SCUBE1: variants seen among roughly 807,000 people sequenced by gnomAD.
The protein encoded by SCUBE1 is signal peptide, CUB and EGF-like domain-containing protein 1.
A neutral mutation model predicts 124.4 loss-of-function variants in SCUBE1; 59 were observed. That is an observed-to-expected ratio of 0.47 (90% CI 0.38 to 0.59). The LOEUF is 0.59. Among genes scored for constraint, SCUBE1 ranks in the 20% least tolerant of loss-of-function variants. SCUBE1 has a pLI of 0.00. For synonymous variants in SCUBE1, 545 were observed against 550.9 expected (o/e 0.99, Z 0.15); for missense variants, 1,150 against 1,371.2 (o/e 0.84, Z 2.55).
chr22:43,255,691 C>G lies in SCUBE1; in HGVS notation c.727+2528G>C, dbSNP rs997916928. ...CGCACGCAAAGCCAACACAACACGCCGGCCAGCTCGGCATCCTCGCCAAGG... is the reference window on the plus strand; with the variant it reads ...CGCACGCAAAGCCAACACAACACGCGGGCCAGCTCGGCATCCTCGCCAAGG... On this transcript the variant is annotated intron_variant, in intron 6 of 21. Coordinates refer to ENST00000360835, the MANE Select transcript of SCUBE1 (RefSeq NM_173050.5). This position sits in a 1 kb window ranked among gnomAD's most constrained non-coding sequence, Gnocchi z 4.7. 4 of 853,416 alleles carry G rather than the reference C, an allele frequency of 4.7e-6. No individual in the cohort carries two copies. The highest frequency in any genetic ancestry group is 7.5e-6 in the Non-Finnish European group (4 of 531,460). 52.9% of individuals were successfully genotyped at this position (853,416 alleles called of 1,614,324 possible). A position where few individuals can be genotyped will look rare whatever the true frequency, so the allele number is the denominator to read the frequency against.
intron 9 of SCUBE1, 69 bp from the exon 10 acceptor site, chr22:43,227,565 C>A: frequency 6.3e-7 from 1 of 1,579,318 alleles, no homozygotes; most frequent in Non-Finnish European, 8.6e-7. Context: ...GAAGGGACCA[C>A]CCAGGGCAAG....
intron 3 of SCUBE1, among the ~76,000 whole-genome samples, chr22:43,293,406 C>T (rs774718970): frequency 6.6e-6 from 1 of 152,226 alleles, no homozygotes; most frequent in South Asian, 2.1e-4. Flanking sequence ...CCCAGCCCTG[C>T]GGTCTGGCTG....
chr22:43,206,054 C>T lies in SCUBE1; in HGVS notation c.2814+1480G>A, dbSNP rs544929052. Among the ~76,000 whole-genome samples, 7 of 147,318 alleles carry T rather than the reference C, an allele frequency of 4.8e-5. No homozygotes were observed. The East Asian group carries it at 1.4e-3, about 30-fold the overall frequency. On this transcript the variant is annotated intron_variant, in intron 21 of 21. Transcript: ENST00000360835. ...CTCACCACACACTCACCCCCACACA[C>T]ACCACACACCCTCACCTCCATCGAC...
chr22:43,281,533 C>CCTCCTCAGCCACCCTCCTGTCACCTCCT (rs568020364), intron 4 of SCUBE1, among the ~76,000 whole-genome samples: 9 of 63,518 alleles, frequency 1.4e-4, no homozygotes, highest in African/African-American at 8.8e-4. Flanking sequence ...CCTGTCACCT[C>CCTCCTCAGCCACCCTCCTGTCACCTCCT]CCTCAGTCAC....
At chr22:43,205,971 C>T (rs1172085064) in intron 21 of SCUBE1, among the ~76,000 whole-genome samples, 1 of 134,372 alleles carries the variant, frequency 7.4e-6, no homozygotes, top group African/African-American at 2.9e-5. Context: ...CTCACCCCAC[C>T]TCTATTCACA....
intron 4 of SCUBE1, among the ~76,000 whole-genome samples, chr22:43,284,442 G>A (rs1032024153): frequency 7.2e-5 from 11 of 152,208 alleles, no homozygotes; most frequent in African/African-American, 2.4e-4. Flanking sequence ...AGGCATCTCC[G>A]TTGAACCTCA....
chr22:43,208,256 C>G, intron 19 of SCUBE1, 32 bp from the exon 20 acceptor site: 3 of 1,609,372 alleles, frequency 1.9e-6, no homozygotes, highest in Non-Finnish European at 2.6e-6. Context: ...TGAGCTGCCA[C>G]AGGTAGGCAG....
At position 43,210,570 on chromosome 22, in the gene SCUBE1, T is replaced by C. The variant is rs7364131; in HGVS notation, c.2384-330A>G. ...GCACTGAGAGGGCCTGGAGCCCTGC[T>C]CTCTCTAGAGGCCCTGTCAGTGCCC... On this transcript the variant is annotated intron_variant, in intron 18 of 21. Transcript: ENST00000360835. This position sits in a 1 kb window ranked among gnomAD's most constrained non-coding sequence, Gnocchi z 4.5. 0.076 allele frequency among the ~76,000 whole-genome samples: 11,640 copies of C among 152,204 alleles called. 816 individuals carry two copies. Among genetic ancestry groups the C allele is most frequent in the African/African-American group, 0.18 (7,393 of 41,532 alleles).
chr22:43,198,338 C>T lies in SCUBE1; in HGVS notation c.*5659G>A. Reference sequence around the variant, plus strand: ...TGGAGAGGCCTTGAGGCCATCGCAGCAGATGCTGGGAGGGCACGCAGGCCA... The same window carrying T: ...TGGAGAGGCCTTGAGGCCATCGCAGTAGATGCTGGGAGGGCACGCAGGCCA... On this transcript the variant is annotated 3_prime_UTR_variant, in exon 22 of 22. Coordinates refer to ENST00000360835, the MANE Select transcript of SCUBE1 (RefSeq NM_173050.5). 2.8e-6 allele frequency: 1 copy of T among 359,464 alleles called. No homozygotes were observed. The highest frequency in any genetic ancestry group is 2.1e-5 in the South Asian group (1 of 48,332). 22.3% of individuals were successfully genotyped at this position (359,464 alleles called of 1,614,324 possible).
rs1923764096 is a variant in SCUBE1, at chr22:43,258,807, G to C, written c.611-472C>G. On this transcript the variant is annotated intron_variant, in intron 5 of 21. Transcript: ENST00000360835. The surrounding 1 kb of genome is among the most constrained non-coding windows in gnomAD (Gnocchi z 5.0). Reference sequence around the variant, plus strand: ...GTTCTGGCAGAGCTTTCCTTCCTCTGCCTGTCTTGGGGTGTGTGGATGTCT... The same window carrying C: ...GTTCTGGCAGAGCTTTCCTTCCTCTCCCTGTCTTGGGGTGTGTGGATGTCT... Among the ~76,000 whole-genome samples, 2 of 152,168 alleles carry C rather than the reference G, an allele frequency of 1.3e-5. No individual in the cohort carries two copies. Among genetic ancestry groups the C allele is most frequent in the Admixed American group, 1.3e-4 (2 of 15,288 alleles).
At chr22:43,208,026 C>T in intron 20 of SCUBE1, 46 bp downstream of exon 20, 1 of 1,606,770 alleles carries the variant, frequency 6.2e-7, no homozygotes, top group Non-Finnish European at 8.5e-7. Context: ...TCTCCAGGGC[C>T]CCGCCTGAGC....
chr22:43,228,264 A>T (rs1922405697), intron 9 of SCUBE1, among the ~76,000 whole-genome samples: 2 of 152,190 alleles, frequency 1.3e-5, no homozygotes. Context: ...ACCAAGTCCC[A>T]GCAGCCTGGC....
At chr22:43,236,016 G>C (rs1242318494) in intron 7 of SCUBE1, among the ~76,000 whole-genome samples, 1 of 152,148 alleles carries the variant, frequency 6.6e-6, no homozygotes. Context: ...TGCAGCCCTG[G>C]GTTGTCCAAG....
At chr22:43,338,363 C>T (rs922552886) in intron 2 of SCUBE1, among the ~76,000 whole-genome samples, 1 of 152,176 alleles carries the variant, frequency 6.6e-6, no homozygotes, top group Non-Finnish European at 1.5e-5. Flanking sequence ...TCTGTCCAAG[C>T]ACTGGAACTT....
rs543246766 is a variant in SCUBE1, at chr22:43,227,964, T to A, written c.1085-468A>T. Reference sequence around the variant, plus strand: ...TCCTCCTCTGACCAAAAGCACCCGCTGAAGCTGGGGGAAGGGGCTGGGCCC... The same window carrying A: ...TCCTCCTCTGACCAAAAGCACCCGCAGAAGCTGGGGGAAGGGGCTGGGCCC... On this transcript the variant is annotated intron_variant, in intron 9 of 21. Transcript: ENST00000360835. 3.9e-4 allele frequency among the ~76,000 whole-genome samples: 59 copies of A among 152,284 alleles called. No individual in the cohort carries two copies. The South Asian group carries it at 0.012, about 32-fold the overall frequency.
intron 3 of SCUBE1, among the ~76,000 whole-genome samples, chr22:43,309,789 A>G (rs1926106420): frequency 3.3e-5 from 5 of 151,920 alleles, no homozygotes; most frequent in Admixed American, 2.0e-4. Flanking sequence ...GGGAAACCCA[A>G]TCATCAGTTT....
intron 4 of SCUBE1, among the ~76,000 whole-genome samples, chr22:43,288,160 G>A (rs1459242853): frequency 6.6e-6 from 1 of 152,210 alleles, no homozygotes; most frequent in African/African-American, 2.4e-5. Flanking sequence ...CGACACGCTG[G>A]TTAATGCAGA....
chr22:43,208,504 G>T (rs1320867018), intron 19 of SCUBE1, among the ~76,000 whole-genome samples: 1 of 152,104 alleles, frequency 6.6e-6, no homozygotes, highest in South Asian at 2.1e-4. Flanking sequence ...GCTCTGCTCT[G>T]GTGAACCCCT....
chr22:43,331,750 C>T lies in SCUBE1; in HGVS notation c.220+7354G>A, dbSNP rs142942668. 3.7e-3 allele frequency among the ~76,000 whole-genome samples: 564 copies of T among 152,312 alleles called. 3 individuals are homozygous for T. The highest frequency in any genetic ancestry group is 0.013 in the African/African-American group (537 of 41,574). Reference sequence around the variant, plus strand: ...GGGTGAAATGCCCCTTCCTCACCCCCAGCCTGCCCCCTCAGCAGAATAAGC... The same window carrying T: ...GGGTGAAATGCCCCTTCCTCACCCCTAGCCTGCCCCCTCAGCAGAATAAGC... On this transcript the variant is annotated intron_variant, in intron 2 of 21. Transcript: ENST00000360835.
Sources: gnomAD v4.1 joint callset for allele counts (sites outside exome capture counted in the v4.1 genomes callset) on GRCh38, gnomAD v4.1.1 for gene constraint, Gnocchi (gnomAD v3.1) non-coding constraint, MANE v1.5 for transcripts, NCBI Gene and HGNC (gene_info 2026-07-23, HGNC 2026-07-21) for gene names.